The following GALNT18 variants were observed in gnomAD, a reference collection of about 807,000 sequenced individuals.
The protein encoded by GALNT18 is polypeptide N-acetylgalactosaminyltransferase 18, also known as GalNAc-transferase 18.
Under a neutral mutation model 69.5 loss-of-function variants are expected in GALNT18, and 44 were observed. The ratio of observed to expected loss-of-function variants is 0.63; its 90% CI spans 0.50 to 0.81. The LOEUF (loss-of-function observed/expected upper bound fraction) is 0.81. Ranked by LOEUF, GALNT18 falls within the 40% of genes least tolerant of loss-of-function variation. GALNT18 has a pLI of 0.00. For synonymous variants in GALNT18, 364 were observed against 318.2 expected, an observed-to-expected ratio of 1.14 and a Z score of -1.53; for missense variants, 715 against 810.0, an observed-to-expected ratio of 0.88 and a Z score of 1.42.
At chr11:11,466,616 C>A (rs921006529) in intron 1 of GALNT18, among the ~76,000 whole-genome samples, 3 of 152,174 alleles carry the variant, frequency 2.0e-5, no homozygotes, top group Admixed American at 2.0e-4. Context: ...AGTCTGTTTA[C>A]CTATTAGGAT....
intron 1 of GALNT18, among the ~76,000 whole-genome samples, chr11:11,575,241 C>T (rs1451089993): frequency 6.6e-6 from 1 of 152,174 alleles, no homozygotes; most frequent in African/African-American, 2.4e-5. Flanking sequence ...GACCAAGGCA[C>T]CTTTGTCCCA....
At position 11,586,103 on chromosome 11, in the gene GALNT18, C is replaced by T. The variant is rs1227271454; in HGVS notation, c.235+35256G>A. ...ATGCTGAATCTGCTGGCCCCTTGAT[C>T]TTGGACTTTCCGGCCTCCAGAACTG... On this transcript the variant is annotated intron_variant, in intron 1 of 10. Transcript: ENST00000227756. This position sits in a 1 kb window ranked among gnomAD's most constrained non-coding sequence, Gnocchi z 4.1. Among the ~76,000 whole-genome samples the T allele has an allele frequency of 6.6e-6, 1 of 152,154 alleles. No homozygotes were observed. Among genetic ancestry groups the T allele is most frequent in the Non-Finnish European group, 1.5e-5 (1 of 68,026 alleles).
At chr11:11,515,450 C>A (rs1857253498) in intron 1 of GALNT18, among the ~76,000 whole-genome samples, 1 of 152,220 alleles carries the variant, frequency 6.6e-6, no homozygotes, top group Non-Finnish European at 1.5e-5. Flanking sequence ...TGCCCCGATT[C>A]CCCCTGCTCT....
chr11:11,542,615 G>A lies in GALNT18; in HGVS notation c.235+78744C>T, dbSNP rs1215139857. Among the ~76,000 whole-genome samples, 1 of 152,196 alleles carries A rather than the reference G, an allele frequency of 6.6e-6. No individual in the cohort carries two copies. Among genetic ancestry groups the A allele is most frequent in the Non-Finnish European group, 1.5e-5 (1 of 68,028 alleles). The stretch of plus-strand genomic sequence containing the variant: ...CAAAAAGAGAATGTAGAGTAAAGAG[G>A]TCAAGAACATTGATTCTGGACTTAG... On this transcript the variant is annotated intron_variant, in intron 1 of 10. Transcript: ENST00000227756. The surrounding 1 kb of genome is among the most constrained non-coding windows in gnomAD (Gnocchi z 4.3).
intron 6 of GALNT18, among the ~76,000 whole-genome samples, chr11:11,342,543 G>A (rs1216998914): frequency 1.3e-5 from 2 of 152,188 alleles, no homozygotes; most frequent in East Asian, 3.9e-4. Context: ...ACACCAGTTG[G>A]CCCCTATAGG....
rs148153149 is a variant in GALNT18 at position 11,293,035 on chromosome 11, G to T, written c.1671C>A (p.Phe557Leu). 10 of 1,376,312 alleles carry T rather than the reference G, an allele frequency of 7.3e-6. 1 individual carries two copies. The highest frequency in any genetic ancestry group is 2.0e-5 in the South Asian group (1 of 49,468). The allele number at this position is 1,376,312 out of a possible 1,614,324, so 85.3% of individuals were successfully genotyped here. The change falls in exon 10 of 11, where the codon TTC (phenylalanine) becomes TTA (leucine). Residue 557 changes from phenylalanine (F) to leucine (L), a missense_variant. Transcript: ENST00000227756. ...CGGGCTCTGGGGCTGTTACCTGAGAGAACTGCCAGTGAAGCTTCATCCTCT... is the reference window on the plus strand; with the variant it reads ...CGGGCTCTGGGGCTGTTACCTGAGATAACTGCCAGTGAAGCTTCATCCTCT... ...KAKRMKLHWQ[F>L]SQGGPIQNRK...
At chr11:11,384,309 T>C (rs60613693) in intron 3 of GALNT18, among the ~76,000 whole-genome samples, 20,475 of 152,080 alleles carry the variant, frequency 0.13, 1,779 homozygotes, top group African/African-American at 0.23. Context: ...TGACACTGAG[T>C]ACTTTGTAAA....
intron 1 of GALNT18, among the ~76,000 whole-genome samples, chr11:11,529,241 C>G (rs1030096849): frequency 3.9e-5 from 6 of 152,156 alleles, no homozygotes; most frequent in African/African-American, 1.4e-4. Context: ...TCTGGATATG[C>G]TTGAGGGTGT....
intron 9 of GALNT18, among the ~76,000 whole-genome samples, chr11:11,298,003 A>C (rs1210921999): frequency 6.6e-6 from 1 of 152,212 alleles, no homozygotes; most frequent in African/African-American, 2.4e-5. Flanking sequence ...ACTGAGAGCT[A>C]ACAGCTGGCC....
chr11:11,449,624 C>T (rs1321738443), intron 1 of GALNT18, among the ~76,000 whole-genome samples: 1 of 152,222 alleles, frequency 6.6e-6, no homozygotes, highest in African/African-American at 2.4e-5. Context: ...CAGCTCAAGG[C>T]CAGCACATGG....
Position 11,603,924 on chromosome 11 carries a change from G to A in GALNT18, c.235+17435C>T, listed in dbSNP as rs1428065307. On this transcript the variant is annotated intron_variant, in intron 1 of 10. Transcript: ENST00000227756. This position sits in a 1 kb window ranked among gnomAD's most constrained non-coding sequence, Gnocchi z 4.5. ...TTGAAATCCTAACCCCTAAGTTGAT[G>A]GAATTAGGAGGTAGGGCCTTTGGGA... 1.3e-5 allele frequency among the ~76,000 whole-genome samples: 2 copies of A among 152,172 alleles called. No individual in the cohort carries two copies. Among genetic ancestry groups the A allele is most frequent in the African/African-American group, 4.8e-5 (2 of 41,448 alleles).
Position 11,390,869 on chromosome 11 carries a change from C to A in GALNT18, c.596-11605G>T, listed in dbSNP as rs192706394. On this transcript the variant is annotated intron_variant, in intron 3 of 10. Transcript: ENST00000227756. ...GGCCTCAATTTAATCCCCAGCTCTG[C>A]CATTTACCTTGACTTTGGGCACAAG... Among the ~76,000 whole-genome samples the A allele has an allele frequency of 5.7e-4, 87 of 152,330 alleles. 3 individuals are homozygous for A. In the East Asian group the frequency reaches 9.1e-3, roughly 16 times the overall value.
intron 10 of GALNT18, 56 bp from the exon 11 acceptor site, chr11:11,271,346 T>C (rs1848823064): frequency 4.4e-6 from 7 of 1,576,036 alleles, no homozygotes; most frequent in Non-Finnish European, 5.2e-6. Flanking sequence ...ATGCAGAAAT[T>C]CGGGAGCCTC....
intron 1 of GALNT18, among the ~76,000 whole-genome samples, chr11:11,588,901 C>G (rs1288385019): frequency 6.6e-6 from 1 of 152,202 alleles, no homozygotes; most frequent in East Asian, 1.9e-4. Context: ...CATTAGAACT[C>G]TACTAAAAGG....
intron 6 of GALNT18, among the ~76,000 whole-genome samples, chr11:11,351,756 ATTTTCT>A (rs1294860072): frequency 3.8e-3 from 142 of 36,952 alleles, no homozygotes; most frequent in South Asian, 0.015. Flanking sequence ...TTGGGGAGCA[ATTTTCT>A]TTTTTTTTTT....
chr11:11,486,818 G>A (rs1469201416), intron 1 of GALNT18, among the ~76,000 whole-genome samples: 1 of 152,168 alleles, frequency 6.6e-6, no homozygotes, highest in Admixed American at 6.5e-5. Flanking sequence ...TCCTCCCCCA[G>A]CACAGCCAAG....
At position 11,448,862 on chromosome 11, in the gene GALNT18, C is replaced by T. The variant is rs776009344; in HGVS notation, c.310G>A (p.Glu104Lys). Residue 104 changes from glutamate (E) to lysine (K), a missense_variant, in exon 2 of 11, where the codon GAG (glutamate) becomes AAG (lysine). Coordinates refer to ENST00000227756, the MANE Select transcript of GALNT18 (RefSeq NM_198516.3). ...DSSLFAHWGQ[E>K]LSPEGRRVAL... Reference sequence around the variant, plus strand: ...ACGCGCCGGCCTTCGGGGCTGAGCTCCTGGCCCCAGTGTGCAAACAGAGAG... The same window carrying T: ...ACGCGCCGGCCTTCGGGGCTGAGCTTCTGGCCCCAGTGTGCAAACAGAGAG... 1 of 1,609,462 alleles carries T rather than the reference C, an allele frequency of 6.2e-7. No homozygotes were observed. The highest frequency in any genetic ancestry group is 2.2e-5 in the East Asian group (1 of 44,744).
chr11:11,402,197 C>T lies in GALNT18; in HGVS notation c.596-22933G>A, dbSNP rs1854482970. 6.6e-6 allele frequency among the ~76,000 whole-genome samples: 1 copy of T among 152,234 alleles called. No individual in the cohort carries two copies. Among genetic ancestry groups the T allele is most frequent in the Admixed American group, 6.5e-5 (1 of 15,280 alleles). On this transcript the variant is annotated intron_variant, in intron 3 of 10. Transcript: ENST00000227756. This position sits in a 1 kb window ranked among gnomAD's most constrained non-coding sequence, Gnocchi z 4.0. ...GAATCATGCAATCATGGTTTATTTT[C>T]TGTCACCTTGGGAACGCTACCCTTC...
intron 2 of GALNT18, among the ~76,000 whole-genome samples, chr11:11,446,645 C>T (rs969313175): frequency 2.0e-5 from 3 of 152,180 alleles, no homozygotes; most frequent in Admixed American, 1.3e-4. Context: ...ACCTCCCCTG[C>T]TGCCATCATG....
Sources: gnomAD v4.1 joint callset for allele counts (sites outside exome capture counted in the v4.1 genomes callset) on GRCh38, gnomAD v4.1.1 for gene constraint, Gnocchi (gnomAD v3.1) non-coding constraint, MANE v1.5 for transcripts, NCBI Gene and HGNC (gene_info 2026-07-23, HGNC 2026-07-21) for gene names.